BRCA2: variants seen among roughly 807,000 people sequenced by gnomAD.
The protein encoded by BRCA2 is breast cancer type 2 susceptibility protein.
In BRCA2, 203 loss-of-function variants were observed where a neutral mutation model predicts 276.7. The observed-to-expected ratio is 0.73, with a 90% CI of 0.65 to 0.82. The LOEUF is 0.82. Among genes scored for constraint, BRCA2 ranks in the 40% least tolerant of loss-of-function variants. The pLI is 0.00. For synonymous variants in BRCA2, 1,289 were observed against 1,338.4 expected (o/e 0.96, Z 0.81); for missense variants, 3,920 against 3,915.0 (o/e 1.00, Z -0.03).
At chr13:32,365,021 A>G (rs1593926499) in intron 18 of BRCA2, among the ~76,000 whole-genome samples, 1 of 151,460 alleles carries the variant, frequency 6.6e-6, no homozygotes, top group African/African-American at 2.4e-5. Flanking sequence ...GGCTGGATAT[A>G]GAATTCTAGG....
At position 32,341,316 on chromosome 13, in the gene BRCA2, G is replaced by A. The variant is rs527758508; in HGVS notation, c.6841+120G>A. ...ACTATGTCTTTTCAGCCATTTTTGT[G>A]TAGTCAGTTTGGGGGAGTATGGTTT... On this transcript the variant is annotated intron_variant, in intron 11 of 26. Transcript: ENST00000380152. 2.1e-6 allele frequency: 3 copies of A among 1,444,286 alleles called. No individual in the cohort carries two copies. In the East Asian group the frequency reaches 6.9e-5, roughly 33 times the overall value. The allele number at this position is 1,444,286 out of a possible 1,614,324, so 89.5% of individuals were successfully genotyped here.
At chr13:32,359,148 G>T (rs2072721728) in intron 16 of BRCA2, among the ~76,000 whole-genome samples, 1 of 150,816 alleles carries the variant, frequency 6.6e-6, no homozygotes, top group Admixed American at 6.6e-5. Flanking sequence ...TTTGAACCCG[G>T]GAGGCGGAGG....
chr13:32,317,000 C>G (rs1004985485), intron 2 of BRCA2, among the ~76,000 whole-genome samples: 2 of 152,138 alleles, frequency 1.3e-5, no homozygotes, highest in African/African-American at 4.8e-5. Flanking sequence ...AAGTTTGAGA[C>G]CAGCCTGGCC....
intron 22 of BRCA2, 101 bp from the exon 23 acceptor site, chr13:32,379,649 A>G (rs752460138): frequency 1.1e-5 from 17 of 1,513,008 alleles, no homozygotes; most frequent in African/African-American, 1.4e-5. Flanking sequence ...ACTAATGCCC[A>G]CAAAGAGATA....
chr13:32,390,982 C>T (rs1397203985), intron 24 of BRCA2, among the ~76,000 whole-genome samples: 2 of 152,148 alleles, frequency 1.3e-5, no homozygotes, highest in Admixed American at 1.3e-4. Context: ...GGTCACAATG[C>T]TATAAATTGA....
intron 9 of BRCA2, among the ~76,000 whole-genome samples, chr13:32,331,892 G>A (rs1448051918): frequency 6.6e-6 from 1 of 152,110 alleles, no homozygotes; most frequent in Non-Finnish European, 1.5e-5. Context: ...TGTAAAATCA[G>A]ATTTACCCTT....
chr13:32,374,051 C>G (rs1020250579), intron 20 of BRCA2, among the ~76,000 whole-genome samples: 1 of 152,252 alleles, frequency 6.6e-6, no homozygotes, highest in Non-Finnish European at 1.5e-5. Flanking sequence ...CTTGCACCCT[C>G]TCAAGCAATG....
At chr13:32,341,364 G>A (rs762374895) in intron 11 of BRCA2, among the ~76,000 whole-genome samples, 168 bp downstream of exon 11, 2 of 152,044 alleles carry the variant, frequency 1.3e-5, no homozygotes, top group Non-Finnish European at 2.9e-5. Flanking sequence ...CACAGATTCA[G>A]TATTCGTATA....
intron 18 of BRCA2, 83 bp downstream of exon 18, chr13:32,363,616 T>TAAA: frequency 8.3e-7 from 1 of 1,210,312 alleles, no homozygotes; most frequent in Non-Finnish European, 1.2e-6. Flanking sequence ...TTTAAATGCT[T>TAAA]ACTAAGGATG....
Position 32,356,300 on chromosome 13 carries a change from C to T in BRCA2, c.7436-128C>T, listed in dbSNP as rs1321491595. On this transcript the variant is annotated intron_variant, in intron 14 of 26. Coordinates refer to ENST00000380152, the MANE Select transcript of BRCA2 (RefSeq NM_000059.4). ...GGTCAGGCTGGTCTTGAACTCCCGA[C>T]CTCAGATGATCTGCCCGCCTCAGCC... is the stretch of plus-strand genomic sequence containing the variant. 8 of 872,810 alleles carry T rather than the reference C, an allele frequency of 9.2e-6. No homozygotes were observed. In the Admixed American group the frequency reaches 1.6e-4, roughly 18 times the overall value. The allele number at this position is 872,810 out of a possible 1,614,324, so 54.1% of individuals were successfully genotyped here.
chr13:32,345,527 A>T (rs1013843093), intron 12 of BRCA2, among the ~76,000 whole-genome samples: 8 of 152,070 alleles, frequency 5.3e-5, no homozygotes, highest in Non-Finnish European at 8.8e-5. Context: ...ACTACTGACA[A>T]TAAAACTACT....
rs10492395 is a variant in BRCA2, at chr13:32,371,400, A to T, written c.8632+300A>T. 0.22 allele frequency among the ~76,000 whole-genome samples: 33,997 copies of T among 151,844 alleles called. 4,161 individuals carry two copies. The highest frequency in any genetic ancestry group is 0.27 in the Non-Finnish European group (18,113 of 67,902). ...ATGTGTTATTATGCCTGGAACTAGG[A>T]CCTATTGTGGTGTCAATTTTAATAT... On this transcript the variant is annotated intron_variant, in intron 20 of 26. Coordinates refer to ENST00000380152, the MANE Select transcript of BRCA2 (RefSeq NM_000059.4).
rs56172926 is a variant in BRCA2, at chr13:32,340,672, T to C, written c.6317T>C (p.Leu2106Pro). 2.0e-4 allele frequency: 327 copies of C among 1,608,072 alleles called. 1 individual carries two copies. Among genetic ancestry groups the C allele is most frequent in the Non-Finnish European group, 2.7e-4 (317 of 1,178,572 alleles). The change falls in exon 11 of 27, where the codon CTT becomes CCT. Residue 2106 changes from leucine (L) to proline (P), a missense_variant. This residue lies in a region of BRCA2 where 3,263 missense variants were observed against 3,156.9 expected (regional missense o/e 1.03). Transcript: ENST00000380152. ...TCTAGACAAAATGTATCAAAAATAC[T>C]TCCTCGTGTTGATAAGAGAAACCCA... Reference protein sequence around the residue: ...PTSRQNVSKILPRVDKRNPEH... With the variant: ...PTSRQNVSKIPPRVDKRNPEH...
At chr13:32,378,405 C>G (rs2137617201) in intron 21 of BRCA2, among the ~76,000 whole-genome samples, 1 of 152,288 alleles carries the variant, frequency 6.6e-6, no homozygotes, top group East Asian at 1.9e-4. Context: ...ACGTAGGCAT[C>G]CATTTTTAAA....
intron 24 of BRCA2, among the ~76,000 whole-genome samples, chr13:32,391,072 C>T (rs1354671293): frequency 1.3e-5 from 2 of 152,140 alleles, no homozygotes; most frequent in African/African-American, 2.4e-5. Context: ...GCAAACTCAA[C>T]ATTTGAGAGT....
At chr13:32,342,814 G>T (rs1276982456) in intron 11 of BRCA2, among the ~76,000 whole-genome samples, 3 of 152,106 alleles carry the variant, frequency 2.0e-5, no homozygotes, top group African/African-American at 7.2e-5. Flanking sequence ...GGGAGGCTGA[G>T]GCAGGCGGAT....
chr13:32,328,371 A>C (rs1457894234), intron 7 of BRCA2, among the ~76,000 whole-genome samples: 1 of 151,776 alleles, frequency 6.6e-6, no homozygotes, highest in Non-Finnish European at 1.5e-5. Flanking sequence ...ACTCCCGAGT[A>C]GCTGGGATTA....
chr13:32,380,067 T>C lies in BRCA2; in HGVS notation c.9178T>C (p.Phe3060Leu). 1.2e-6 allele frequency: 2 copies of C among 1,614,092 alleles called. No homozygotes were observed. Among genetic ancestry groups the C allele is most frequent in the South Asian group, 1.1e-5 (1 of 91,086 alleles). The change falls in exon 24 of 27, where the codon TTT becomes CTT. Residue 3060 changes from phenylalanine to leucine, a missense_variant. Phe to Leu is a conservative substitution (Grantham distance 22). Coordinates refer to ENST00000380152, the MANE Select transcript of BRCA2 (RefSeq NM_000059.4). ...ACGGGAGCCCCTTCACTTCAGCAAA[T>C]TTTTAGATCCAGACTTTCAGCCATC... ...QPREPLHFSK[F>L]LDPDFQPSCS...
chr13:32,325,328 G>T, intron 4 of BRCA2, 144 bp downstream of exon 4: 2 of 631,904 alleles, frequency 3.2e-6, no homozygotes, highest in South Asian at 2.0e-5. Context: ...AATCTTTTAG[G>T]TTGAGTCCTT....
Sources: gnomAD v4.1 joint callset for allele counts (sites outside exome capture counted in the v4.1 genomes callset) on GRCh38, gnomAD v4.1.1 for gene constraint, gnomAD v4.1.1 regional missense constraint, MANE v1.5 for transcripts, NCBI Gene and HGNC (gene_info 2026-07-23, HGNC 2026-07-21) for gene names.